Variants in MSRA observed in about 807,000 individuals in gnomAD.
The protein encoded by MSRA is methionine sulfoxide reductase A, also known as mitochondrial peptide methionine sulfoxide reductase.
In MSRA, 54 loss-of-function variants were observed where a neutral mutation model predicts 31.3. The observed-to-expected ratio is 1.73, with a 90% CI of 1.39 to 2.17. The LOEUF (loss-of-function observed/expected upper bound fraction) is 2.17, where lower values mean the gene tolerates loss of function less well. Ranked by LOEUF, MSRA falls within the 30% of genes most tolerant of loss-of-function variation. The pLI is 0.00. For missense variants in MSRA, 507 were observed against 300.9 expected (o/e 1.69, Z -5.07); for synonymous variants, 169 against 116.5 (o/e 1.45, Z -2.90).
rs528299394 is a variant in MSRA, at chr8:10,386,636, C to T, written c.544-41512C>T. On this transcript the variant is annotated intron_variant, in intron 5 of 5. Transcript: ENST00000317173. The stretch of plus-strand genomic sequence containing the variant: ...TGGGCCTTACCTGGAGCTTCTGATT[C>T]AGCAGGACTGCGGTCCCAAAATAGG... Among the ~76,000 whole-genome samples the T allele has an allele frequency of 3.9e-5, 6 of 152,244 alleles. 1 individual carries two copies. The East Asian group carries it at 7.7e-4, about 20-fold the overall frequency.
intron 1 of MSRA, among the ~76,000 whole-genome samples, chr8:10,143,291 T>C (rs1802859624): frequency 6.6e-6 from 1 of 152,126 alleles, no homozygotes; most frequent in Admixed American, 6.5e-5. Context: ...AGAGGGAGGC[T>C]GATACCCGTT....
intron 5 of MSRA, among the ~76,000 whole-genome samples, chr8:10,391,223 G>A (rs920506292): frequency 6.6e-6 from 1 of 152,304 alleles, no homozygotes; most frequent in Admixed American, 6.5e-5. Flanking sequence ...CACACCCCAA[G>A]TGAACCTAGT....
At chr8:10,120,937 A>G (rs1345977015) in intron 1 of MSRA, among the ~76,000 whole-genome samples, 6 of 152,238 alleles carry the variant, frequency 3.9e-5, no homozygotes, top group Non-Finnish European at 8.8e-5. Flanking sequence ...GTTGTTAGTA[A>G]TTAAATTTAT....
At chr8:10,317,114 C>A (rs569824182) in intron 4 of MSRA, among the ~76,000 whole-genome samples, 89 of 152,304 alleles carry the variant, frequency 5.8e-4, no homozygotes, top group Non-Finnish European at 2.9e-5. Context: ...CATGGACAGT[C>A]CTGCTAATGA....
At chr8:10,300,919 C>T (rs547660493) in intron 3 of MSRA, among the ~76,000 whole-genome samples, 2 of 152,138 alleles carry the variant, frequency 1.3e-5, no homozygotes, top group Non-Finnish European at 2.9e-5. Flanking sequence ...TGCAAGTAGA[C>T]ATATGTCACC....
At chr8:10,389,360 C>T (rs747342067) in intron 5 of MSRA, among the ~76,000 whole-genome samples, 3 of 152,200 alleles carry the variant, frequency 2.0e-5, no homozygotes, top group Non-Finnish European at 2.9e-5. Context: ...TAAAACACTG[C>T]CGTTACAGTG....
intron 1 of MSRA, among the ~76,000 whole-genome samples, chr8:10,079,161 C>G (rs1295301808): frequency 6.6e-6 from 1 of 151,938 alleles, no homozygotes; most frequent in Non-Finnish European, 1.5e-5. Context: ...TGATGTGGTA[C>G]TTTTTTCTTT....
chr8:10,200,662 G>A (rs1297191234), intron 1 of MSRA, among the ~76,000 whole-genome samples: 2 of 152,144 alleles, frequency 1.3e-5, no homozygotes, highest in Non-Finnish European at 2.9e-5. Flanking sequence ...CACCATGTTT[G>A]TCCCCACGTA....
chr8:10,063,299 C>T (rs978956333), intron 1 of MSRA, among the ~76,000 whole-genome samples: 1 of 152,306 alleles, frequency 6.6e-6, no homozygotes, highest in South Asian at 2.1e-4. Context: ...CTCTCCCCTG[C>T]CTGAGCTGTT....
intron 5 of MSRA, among the ~76,000 whole-genome samples, chr8:10,409,887 G>C (rs1272824425): frequency 6.6e-6 from 1 of 152,146 alleles, no homozygotes; most frequent in Non-Finnish European, 1.5e-5. Flanking sequence ...CATAGACCCT[G>C]TCTCTACAGA....
At chr8:10,146,058 C>T (rs971782364) in intron 1 of MSRA, among the ~76,000 whole-genome samples, 5 of 152,148 alleles carry the variant, frequency 3.3e-5, no homozygotes, top group African/African-American at 7.2e-5. Context: ...GCAAACAGTG[C>T]GCTGTAGTCA....
Position 10,428,200 on chromosome 8 carries a change from A to G in MSRA, c.596A>G (p.Gln199Arg). ...GPITTDIREGQTFYYAEDYHQ... is the reference protein window; with the variant it reads ...GPITTDIREGRTFYYAEDYHQ... The stretch of plus-strand genomic sequence containing the variant: ...ATCACTACCGACATCCGGGAGGGAC[A>G]GACTTTCTACTATGCGGAAGACTAC... Residue 199 changes from glutamine to arginine, a missense_variant, in exon 6 of 6, where the codon CAG becomes CGG. Coordinates refer to ENST00000317173, the MANE Select transcript of MSRA (RefSeq NM_012331.5). 1 of 1,614,204 alleles carries G rather than the reference A, an allele frequency of 6.2e-7. No individual in the cohort carries two copies. The highest frequency in any genetic ancestry group is 8.5e-7 in the Non-Finnish European group (1 of 1,180,014).
At chr8:10,392,893 A>G (rs968646600) in intron 5 of MSRA, among the ~76,000 whole-genome samples, 3 of 75,064 alleles carry the variant, frequency 4.0e-5, no homozygotes, top group Admixed American at 1.5e-4. Context: ...AAAAATGCAA[A>G]AAAAAAAAAA....
At position 10,062,400 on chromosome 8, in the gene MSRA, A is replaced by C. The variant is rs995742798; in HGVS notation, c.142+7742A>C. Among the ~76,000 whole-genome samples the C allele has an allele frequency of 3.9e-5, 6 of 152,220 alleles. 1 individual carries two copies. The highest frequency in any genetic ancestry group is 8.8e-5 in the Non-Finnish European group (6 of 68,038). ...GCTGCTCTTATCTTCCTCACATCAT[A>C]AACTCCAAGTTTGAGAGCATCACAA... is the stretch of plus-strand genomic sequence containing the variant. On this transcript the variant is annotated intron_variant, in intron 1 of 5. Transcript: ENST00000317173.
intron 5 of MSRA, among the ~76,000 whole-genome samples, chr8:10,406,999 T>A (rs1430625367): frequency 6.6e-6 from 1 of 152,192 alleles, no homozygotes; most frequent in Admixed American, 6.5e-5. Flanking sequence ...CATCTCGGTC[T>A]CCCAAATAGC....
intron 1 of MSRA, among the ~76,000 whole-genome samples, chr8:10,145,340 A>G (rs1304703043): frequency 1.3e-5 from 2 of 152,214 alleles, no homozygotes; most frequent in East Asian, 3.8e-4. Flanking sequence ...GGAATAAGAC[A>G]TTTCGGTTAG....
intron 1 of MSRA, among the ~76,000 whole-genome samples, chr8:10,091,875 G>T (rs1798877279): frequency 1.3e-5 from 2 of 152,054 alleles, no homozygotes; most frequent in Non-Finnish European, 2.9e-5. Context: ...CCAGAGTGTT[G>T]GGATTACAGG....
intron 1 of MSRA, among the ~76,000 whole-genome samples, chr8:10,192,682 C>T (rs1807615263): frequency 6.6e-6 from 1 of 152,164 alleles, no homozygotes; most frequent in Non-Finnish European, 1.5e-5. Flanking sequence ...TAGCTTGCAA[C>T]CAGCTTGACC....
At chr8:10,135,955 G>T (rs1802240822) in intron 1 of MSRA, among the ~76,000 whole-genome samples, 1 of 152,192 alleles carries the variant, frequency 6.6e-6, no homozygotes, top group African/African-American at 2.4e-5. Flanking sequence ...ATCCTTGGGG[G>T]CTGCGTGTTG....
Sources: gnomAD v4.1 joint callset for allele counts (sites outside exome capture counted in the v4.1 genomes callset) on GRCh38, gnomAD v4.1.1 for gene constraint, MANE v1.5 for transcripts, NCBI Gene and HGNC (gene_info 2026-07-23, HGNC 2026-07-21) for gene names.